Variants in KIF15 observed in about 807,000 individuals in gnomAD.
The protein encoded by KIF15 is kinesin family member 15.
KIF15 carries 140 observed loss-of-function variants against 190.6 expected under a neutral mutation model. The observed-to-expected ratio is 0.73, with a 90% CI of 0.64 to 0.84. The LOEUF (loss-of-function observed/expected upper bound fraction) is 0.84. Ranked by LOEUF, KIF15 falls within the 40% of genes least tolerant of loss-of-function variation. The probability of loss-of-function intolerance (pLI) is 0.00; values close to 1 mark genes in which losing one functional copy is unlikely to be tolerated. For missense variants in KIF15, 1,372 were observed against 1,584.4 expected, an observed-to-expected ratio of 0.87 and a Z score of 2.28; for synonymous variants, 528 against 551.3, an observed-to-expected ratio of 0.96 and a Z score of 0.59.
chr3:44,867,855 A>T (rs949326523), intron 6 of KIF15, among the ~76,000 whole-genome samples: 2 of 152,202 alleles, frequency 1.3e-5, no homozygotes, highest in African/African-American at 4.8e-5. Flanking sequence ...TACTATATCA[A>T]TATTTGTCTT....
At chr3:44,816,093 C>G (rs572942556) in intron 20 of KIF15, among the ~76,000 whole-genome samples, 1 of 151,982 alleles carries the variant, frequency 6.6e-6, no homozygotes, top group South Asian at 2.1e-4. Flanking sequence ...ATAATTATTA[C>G]TAATGAAATA....
At chr3:44,840,328 A>C in intron 27 of KIF15, 27 bp from the exon 28 acceptor site, 2 of 1,378,704 alleles carry the variant, frequency 1.5e-6, no homozygotes. Flanking sequence ...ACTAAGTTGT[A>C]ACCTTGTATC....
intron 17 of KIF15, among the ~76,000 whole-genome samples, chr3:44,811,570 G>T (rs192542279): frequency 6.6e-6 from 1 of 152,082 alleles, no homozygotes; most frequent in Non-Finnish European, 1.5e-5. Context: ...GCTTGAACCC[G>T]GGAGGCGGAG....
chr3:44,852,998 A>G lies in KIF15; in HGVS notation c.*263A>G. On this transcript the variant is annotated 3_prime_UTR_variant, in exon 35 of 35. Transcript: ENST00000326047. ...GGGAAAACCTTTTGTCTTTGTAAAA[A>G]TAAAAGCCTGTAGCTAAGGTTTACA... 3.7e-6 allele frequency: 1 copy of G among 270,366 alleles called. No individual in the cohort carries two copies. The highest frequency in any genetic ancestry group is 6.8e-6 in the Non-Finnish European group (1 of 146,798). The allele number at this position is 270,366 out of a possible 1,614,324, so 16.7% of individuals were successfully genotyped here.
chr3:44,860,879 CAT>C (rs556384898), intron 6 of KIF15, among the ~76,000 whole-genome samples: 3 of 152,270 alleles, frequency 2.0e-5, no homozygotes, highest in South Asian at 4.1e-4. Flanking sequence ...ACTAAATAGA[CAT>C]ATAGAAAAAT....
chr3:44,797,093 T>C (rs563624541), intron 8 of KIF15, among the ~76,000 whole-genome samples: 2 of 152,304 alleles, frequency 1.3e-5, no homozygotes, highest in African/African-American at 4.8e-5. Context: ...AATGGCACAA[T>C]CTCAGCTCAC....
At chr3:44,798,324 G>C (rs1194284565) in intron 10 of KIF15, among the ~76,000 whole-genome samples, 1 of 150,304 alleles carries the variant, frequency 6.7e-6, no homozygotes, top group African/African-American at 2.4e-5. Flanking sequence ...CACCATGCCA[G>C]GCTAATTTTT....
At chr3:44,811,123 G>T (rs541577890) in intron 17 of KIF15, 80 bp downstream of exon 17, 3 of 1,097,066 alleles carry the variant, frequency 2.7e-6, no homozygotes, top group Non-Finnish European at 3.9e-6. Flanking sequence ...TTCCCTATAA[G>T]TTACAGTGTT....
At chr3:44,864,188 C>G (rs138103466) in intron 6 of KIF15, 16 of 1,613,670 alleles carry the variant, frequency 9.9e-6, no homozygotes, top group Non-Finnish European at 1.1e-5. Context: ...GTGACACTTT[C>G]TCCTGCAGGT....
chr3:44,832,154 G>A (rs1248434046), intron 26 of KIF15, among the ~76,000 whole-genome samples: 3 of 152,164 alleles, frequency 2.0e-5, no homozygotes, highest in East Asian at 3.9e-4. Context: ...AGAAGAGAGA[G>A]TATTTGTACA....
At chr3:44,797,500 A>G (rs570325623) in intron 8 of KIF15, 51 bp from the exon 9 acceptor site, 20 of 1,592,100 alleles carry the variant, frequency 1.3e-5, no homozygotes, top group South Asian at 1.0e-4. Flanking sequence ...TCAAAATACC[A>G]AAGAGTAACC....
Position 44,802,855 on chromosome 3 carries a change from T to C in KIF15, c.1551T>C (p.Asn517=). 6.3e-7 allele frequency: 1 copy of C among 1,599,402 alleles called. No homozygotes were observed. The highest frequency in any genetic ancestry group is 8.5e-7 in the Non-Finnish European group (1 of 1,176,162). Residue 517 remains asparagine, a synonymous_variant, in exon 14 of 35, where the codon AAT becomes AAC. Coordinates refer to ENST00000326047, the MANE Select transcript of KIF15 (RefSeq NM_020242.3). The stretch of plus-strand genomic sequence containing the variant: ...GAGTTGCAAAGTATGCTATGGAAAA[T>C]CATTCCCTCAGGGAGGAGAATAGAA... ...HPRVAKYAME[N]HSLREENRRL... is the part of the protein sequence containing the mutation.
Position 44,801,404 on chromosome 3 carries a change from A to T in KIF15, c.1223-46A>T, listed in dbSNP as rs72875732. ...TCTGTTCTCTTGGTTTTGCAATGTG[A>T]TAAATATTTTTTTTCATCTTCCCTT... On this transcript the variant is annotated intron_variant, in intron 11 of 34. Transcript: ENST00000326047. 2.9e-3 allele frequency: 3,328 copies of T among 1,161,018 alleles called. 64 individuals carry two copies. In the African/African-American group the frequency reaches 0.041, roughly 14 times the overall value. 71.9% of individuals were successfully genotyped at this position (1,161,018 alleles called of 1,614,324 possible). A position where few individuals can be genotyped will look rare whatever the true frequency, so the allele number is the denominator to read the frequency against.
At chr3:44,789,078 A>G (rs949625121) in intron 7 of KIF15, among the ~76,000 whole-genome samples, 2 of 152,102 alleles carry the variant, frequency 1.3e-5, no homozygotes, top group African/African-American at 4.8e-5. Flanking sequence ...GTTATTGTTT[A>G]TATGGACTTG....
In KIF15 at chr3:44,843,153, G is replaced by T. The variant is rs149974125; in HGVS notation, c.3614G>T (p.Arg1205Leu). 27 of 1,613,210 alleles carry T rather than the reference G, an allele frequency of 1.7e-5. 1 individual carries two copies. The African/African-American group carries it at 2.8e-4, about 17-fold the overall frequency. The change falls in exon 30 of 35, where the codon CGC (arginine) becomes CTC (leucine). Residue 1205 changes from arginine (R) to leucine (L), a missense_variant. Coordinates refer to ENST00000326047, the MANE Select transcript of KIF15 (RefSeq NM_020242.3). ...KEQLREMENL[R>L]LESQQLIEKN... The stretch of plus-strand genomic sequence containing the variant: ...CAGTTGCGTGAAATGGAAAACCTAC[G>T]CCTGGAAAGTCAGCAGTTAATAGAG...
Position 44,778,105 on chromosome 3 carries a change from A to C in KIF15, c.247-10A>C. ...TTATGATATGTTAACATGTTTGGTT[A>C]CATTTGTAGGAATCTGTATTCGCAA... is the stretch of plus-strand genomic sequence containing the variant. On this transcript the variant is annotated splice_polypyrimidine_tract_variant and intron_variant, in intron 3 of 34. Coordinates refer to ENST00000326047, the MANE Select transcript of KIF15 (RefSeq NM_020242.3). The C allele has an allele frequency of 6.2e-7, 1 of 1,608,934 alleles. No homozygotes were observed. Among genetic ancestry groups the C allele is most frequent in the Non-Finnish European group, 8.5e-7 (1 of 1,175,298 alleles).
At chr3:44,778,756 G>A (rs931687014) in intron 4 of KIF15, among the ~76,000 whole-genome samples, 5 of 151,742 alleles carry the variant, frequency 3.3e-5, no homozygotes, top group African/African-American at 9.7e-5. Flanking sequence ...AGGTGGATGG[G>A]TCACTGGAGT....
chr3:44,813,059 A>G lies in KIF15; in HGVS notation c.2278-16A>G, dbSNP rs746965929. 1.6e-5 allele frequency: 24 copies of G among 1,483,020 alleles called. No individual in the cohort carries two copies. The highest frequency in any genetic ancestry group is 2.1e-5 in the Non-Finnish European group (23 of 1,086,608). The allele number at this position is 1,483,020 out of a possible 1,614,324, so 91.9% of individuals were successfully genotyped here. A position where few individuals can be genotyped will look rare whatever the true frequency, so the allele number is the denominator to read the frequency against. The stretch of plus-strand genomic sequence containing the variant: ...CCAGTATTCCTTTTCCAGTAAATTT[A>G]TCTTTTTTCCCAAAGCTTTTCTCAT... On this transcript the variant is annotated splice_polypyrimidine_tract_variant and intron_variant, in intron 18 of 34. Coordinates refer to ENST00000326047, the MANE Select transcript of KIF15 (RefSeq NM_020242.3).
chr3:44,764,092 C>G (rs534717264), intron 1 of KIF15, among the ~76,000 whole-genome samples: 1 of 152,316 alleles, frequency 6.6e-6, no homozygotes, highest in African/African-American at 2.4e-5. Flanking sequence ...AGCAGGAAGA[C>G]TCTTTAAAAG....
Sources: allele counts gnomAD v4.1 joint callset (sites outside exome capture counted in the v4.1 genomes callset), GRCh38; gene constraint gnomAD v4.1.1; transcripts MANE v1.5; gene names NCBI Gene and HGNC (gene_info 2026-07-23, HGNC 2026-07-21).